ARMH3: variants seen among roughly 807,000 people sequenced by gnomAD.
The protein encoded by ARMH3 is armadillo-like helical domain-containing protein 3.
ARMH3 carries 60 observed loss-of-function variants against 99.1 expected under a neutral mutation model. The observed-to-expected ratio is 0.61, with a 90% CI of 0.49 to 0.75. The LOEUF is 0.75. Among genes scored for constraint, ARMH3 ranks in the 30% least tolerant of loss-of-function variants. ARMH3 has a pLI of 0.00. For missense variants in ARMH3, 679 were observed against 843.1 expected (o/e 0.81, Z 2.41); for synonymous variants, 285 against 292.8 (o/e 0.97, Z 0.27).
At position 101,942,250 on chromosome 10, in the gene ARMH3, C is replaced by CA. The variant is rs562864639; in HGVS notation, c.1706-2313dup. Among the ~76,000 whole-genome samples, 193 of 151,428 alleles carry CA rather than the reference C, an allele frequency of 1.3e-3. 1 individual carries two copies. In the South Asian group the frequency reaches 0.014, roughly 11 times the overall value. Reference sequence around the variant, plus strand: ...CATTTAAAAAGAGACATGAAAATTACAAAAAAAATGAATTGTATGTTAAAA... The same window carrying CA: ...CATTTAAAAAGAGACATGAAAATTACAAAAAAAAATGAATTGTATGTTAAAA... On this transcript the variant is annotated intron_variant, in intron 22 of 25. Coordinates refer to ENST00000370033, the MANE Select transcript of ARMH3 (RefSeq NM_024541.3).
chr10:101,866,390 G>GA (rs2067003478), intron 24 of ARMH3, among the ~76,000 whole-genome samples: 1 of 151,770 alleles, frequency 6.6e-6, no homozygotes, highest in African/African-American at 2.4e-5. Context: ...TACAAGAAGA[G>GA]GCTGAATTGC....
At chr10:101,997,266 TCAAA>T (rs771903302) in intron 15 of ARMH3, among the ~76,000 whole-genome samples, 209 of 149,950 alleles carry the variant, frequency 1.4e-3, no homozygotes, top group Non-Finnish European at 2.5e-3. Context: ...AGACTCTGTC[TCAAA>T]CAAACAAACA....
Position 101,993,575 on chromosome 10 carries a change from T to C in ARMH3, c.1238A>G (p.Asp413Gly). The change falls in exon 17 of 26, where the codon GAT becomes GGT. Residue 413 changes from aspartate to glycine, a missense_variant. By Grantham distance (94) the Asp-to-Gly change is moderately conservative. Coordinates refer to ENST00000370033, the MANE Select transcript of ARMH3 (RefSeq NM_024541.3). The part of the protein sequence containing the change: ...EDQYANAFLH[D>G]DNMNFRVNLH... ...GTTTACTCGAAAATTCATGTTGTCA[T>C]CATGCAAAAATGCATTGGCATATTG... The C allele has an allele frequency of 6.2e-7, 1 of 1,601,918 alleles. No individual in the cohort carries two copies. Among genetic ancestry groups the C allele is most frequent in the Non-Finnish European group, 8.5e-7 (1 of 1,174,482 alleles).
intron 14 of ARMH3, among the ~76,000 whole-genome samples, chr10:102,003,303 C>T (rs11191179): frequency 6.6e-6 from 1 of 152,076 alleles, no homozygotes; most frequent in Non-Finnish European, 1.5e-5. Flanking sequence ...GCTTGGATTA[C>T]AGGCACCCAC....
At chr10:101,885,074 A>G (rs1167174556) in intron 24 of ARMH3, among the ~76,000 whole-genome samples, 3 of 152,232 alleles carry the variant, frequency 2.0e-5, no homozygotes, top group African/African-American at 7.2e-5. Flanking sequence ...TCAATATATC[A>G]TTAGGTAAAT....
chr10:101,876,239 C>A (rs556057534), intron 24 of ARMH3, among the ~76,000 whole-genome samples: 4 of 111,616 alleles, frequency 3.6e-5, no homozygotes, highest in Non-Finnish European at 7.1e-5. Flanking sequence ...CAGAGCAAGG[C>A]TCCATCTCAA....
At chr10:101,969,975 T>C (rs1413852802) in intron 20 of ARMH3, among the ~76,000 whole-genome samples, 3 of 152,210 alleles carry the variant, frequency 2.0e-5, no homozygotes, top group African/African-American at 7.2e-5. Flanking sequence ...TAGATAAATG[T>C]TGAATATAAA....
At chr10:101,888,457 T>C (rs1403871355) in intron 24 of ARMH3, among the ~76,000 whole-genome samples, 1 of 152,242 alleles carries the variant, frequency 6.6e-6, no homozygotes, top group Non-Finnish European at 1.5e-5. Context: ...GTGGGAATAC[T>C]GAGAAGCTTG....
intron 11 of ARMH3, among the ~76,000 whole-genome samples, chr10:102,010,896 G>A (rs1168968596): frequency 1.3e-5 from 2 of 152,156 alleles, no homozygotes; most frequent in Non-Finnish European, 2.9e-5. Context: ...CTGAGAACAG[G>A]CTGAGAAGGC....
intron 19 of ARMH3, among the ~76,000 whole-genome samples, chr10:101,982,728 T>A (rs1314466137): frequency 1.3e-5 from 2 of 152,040 alleles, no homozygotes; most frequent in Non-Finnish European, 2.9e-5. Flanking sequence ...ATGCAAGGGA[T>A]CTAGGTTGTG....
intron 24 of ARMH3, among the ~76,000 whole-genome samples, chr10:101,869,326 A>C (rs1164658921): frequency 2.6e-5 from 4 of 152,240 alleles, no homozygotes; most frequent in Non-Finnish European, 5.9e-5. Context: ...TTTCAAATGC[A>C]CACAGAACAT....
intron 23 of ARMH3, among the ~76,000 whole-genome samples, chr10:101,912,189 T>C (rs1842893759): frequency 6.6e-6 from 1 of 151,894 alleles, no homozygotes; most frequent in African/African-American, 2.4e-5. Flanking sequence ...CGTCAGGAGT[T>C]TGAGACCAGT....
intron 1 of ARMH3, among the ~76,000 whole-genome samples, chr10:102,041,779 G>A (rs530460222): frequency 1.3e-5 from 2 of 151,998 alleles, no homozygotes; most frequent in African/African-American, 4.8e-5. Flanking sequence ...CTCCCAAGTA[G>A]CTGGGATTAC....
chr10:101,849,500 T>C (rs1283764155), intron 25 of ARMH3, among the ~76,000 whole-genome samples: 1 of 152,206 alleles, frequency 6.6e-6, no homozygotes, highest in Non-Finnish European at 1.5e-5. Context: ...TAAGGAATAA[T>C]GAGCCAGATC....
chr10:102,038,375 T>C (rs1371601757), intron 2 of ARMH3, among the ~76,000 whole-genome samples: 1 of 152,166 alleles, frequency 6.6e-6, no homozygotes, highest in Non-Finnish European at 1.5e-5. Flanking sequence ...ATTACAGGCA[T>C]GAGCCACCAC....
chr10:101,990,789 C>T (rs758869332), intron 18 of ARMH3, among the ~76,000 whole-genome samples, 178 bp from the exon 19 acceptor site: 1 of 152,206 alleles, frequency 6.6e-6, no homozygotes, highest in Non-Finnish European at 1.5e-5. Context: ...CTGTTCACCA[C>T]CTGCCACTTG....
intron 23 of ARMH3, among the ~76,000 whole-genome samples, chr10:101,913,502 A>G (rs555176675): frequency 2.6e-4 from 40 of 151,190 alleles, no homozygotes; most frequent in Non-Finnish European, 5.0e-4. Flanking sequence ...AGTAACTGGG[A>G]CTACAGGTGC....
Position 101,971,620 on chromosome 10 carries a change from T to C in ARMH3, c.1495+3592A>G, listed in dbSNP as rs4614373. On this transcript the variant is annotated intron_variant, in intron 20 of 25. Transcript: ENST00000370033. Reference sequence around the variant, plus strand: ...AAGATTTCTGTGAGAACAGGATTAATTGGGAGGCTGTGGAACTTAAAATTA... The same window carrying C: ...AAGATTTCTGTGAGAACAGGATTAACTGGGAGGCTGTGGAACTTAAAATTA... Among the ~76,000 whole-genome samples the C allele has an allele frequency of 9.2e-3, 1,407 of 152,266 alleles. 18 individuals carry two copies. Among genetic ancestry groups the C allele is most frequent in the African/African-American group, 0.032 (1,335 of 41,552 alleles).
chr10:101,918,732 G>C (rs554386035), intron 23 of ARMH3, among the ~76,000 whole-genome samples: 10 of 152,244 alleles, frequency 6.6e-5, no homozygotes, highest in African/African-American at 1.9e-4. Context: ...GAAACACTAA[G>C]CAAAACAAAT....
Sources: allele counts gnomAD v4.1 joint callset (sites outside exome capture counted in the v4.1 genomes callset), GRCh38; gene constraint gnomAD v4.1.1; transcripts MANE v1.5; gene names NCBI Gene and HGNC (gene_info 2026-07-23, HGNC 2026-07-21).